CCDC187: variants seen among roughly 807,000 people sequenced by gnomAD.
CCDC187 encodes the protein coiled-coil domain-containing protein 187.
A neutral mutation model predicts 38.0 loss-of-function variants in CCDC187; 32 were observed. The observed-to-expected ratio is 0.84, with a 90% CI of 0.64 to 1.13. CCDC187 has a LOEUF of 1.13. Ranked by LOEUF, CCDC187 falls within the 50% of genes most tolerant of loss-of-function variation. The pLI is 0.00. For synonymous variants in CCDC187, 333 were observed against 347.9 expected, an observed-to-expected ratio of 0.96 and a Z score of 0.48; for missense variants, 707 against 786.8, an observed-to-expected ratio of 0.90 and a Z score of 1.21.
Position 136,289,981 on chromosome 9 carries a change from C to T in CCDC187, c.2200G>A (p.Gly734Arg). Residue 734 changes from glycine to arginine, a missense_variant, in exon 7 of 26, where the codon GGG becomes AGG. Transcript: ENST00000638797. The stretch of plus-strand genomic sequence containing the variant: ...CACCTGCCTGGGGCTTCCTGGCCCC[C>T]CAGCACCATGCCAGAGGTCACTTTG... ...WSKVTSGMVL[G>R]GQEAPGSFCL... is the part of the protein sequence containing the mutation. The T allele has an allele frequency of 2.5e-6, 1 of 398,838 alleles. No individual in the cohort carries two copies. The highest frequency in any genetic ancestry group is 4.4e-6 in the Non-Finnish European group (1 of 226,246). The allele number at this position is 398,838 out of a possible 1,614,324, so 24.7% of individuals were successfully genotyped here.
chr9:136,293,793 CACTT>C (rs1831447627), intron 4 of CCDC187, among the ~76,000 whole-genome samples: 1 of 152,144 alleles, frequency 6.6e-6, no homozygotes, highest in African/African-American at 2.4e-5. Flanking sequence ...CATCCTCACA[CACTT>C]TCACACAGAC....
upstream of CCDC187, chr9:136,306,722 G>C (rs1489272278): frequency 2.0e-5 from 3 of 152,754 alleles, no homozygotes; most frequent in Non-Finnish European, 4.4e-5. Context: ...GCAGCCACCT[G>C]GGGTCCCAGC....
chr9:136,287,824 G>C (rs890615054), intron 7 of CCDC187, among the ~76,000 whole-genome samples: 1 of 152,196 alleles, frequency 6.6e-6, no homozygotes, highest in Non-Finnish European at 1.5e-5. Flanking sequence ...TGGAGAGTTA[G>C]TGTTTCATGG....
chr9:136,255,942 G>C (rs1830606197), intron 24 of CCDC187, among the ~76,000 whole-genome samples: 1 of 152,206 alleles, frequency 6.6e-6, no homozygotes, highest in Non-Finnish European at 1.5e-5. Context: ...AATCCCACTG[G>C]ATCAGGTGGC....
At chr9:136,267,677 C>T in intron 15 of CCDC187, 166 bp from the exon 16 acceptor site, 1 of 945,090 alleles carries the variant, frequency 1.1e-6, no homozygotes, top group Non-Finnish European at 1.3e-6. Flanking sequence ...CCTCCCATCC[C>T]CCTATGCCGC....
chr9:136,258,772 G>A lies in CCDC187; in HGVS notation c.4366+160C>T, dbSNP rs1289668754. 1 of 985,332 alleles carries A rather than the reference G, an allele frequency of 1.0e-6. No individual in the cohort carries two copies. The highest frequency in any genetic ancestry group is 1.1e-4 in the East Asian group (1 of 8,818). The allele number at this position is 985,332 out of a possible 1,614,324, so 61.0% of individuals were successfully genotyped here. A position where few individuals can be genotyped will look rare whatever the true frequency, so the allele number is the denominator to read the frequency against. Reference sequence around the variant, plus strand: ...GATGGAGCCGGCCACTCTTCTTGCAGTGAAGGGGTCTGAGGCCAGGGTGGG... The same window carrying A: ...GATGGAGCCGGCCACTCTTCTTGCAATGAAGGGGTCTGAGGCCAGGGTGGG... On this transcript the variant is annotated intron_variant, in intron 22 of 25. Coordinates refer to ENST00000638797, the MANE Select transcript of CCDC187 (RefSeq NM_001378188.1). This position sits in a 1 kb window ranked among gnomAD's most constrained non-coding sequence, Gnocchi z 4.3.
At chr9:136,270,865 G>C (rs1330887925) in intron 14 of CCDC187, among the ~76,000 whole-genome samples, 1 of 152,198 alleles carries the variant, frequency 6.6e-6, no homozygotes, top group Non-Finnish European at 1.5e-5. Context: ...CTTCAGACCT[G>C]ATGCTATACC....
intron 15 of CCDC187, 69 bp downstream of exon 15, chr9:136,267,980 G>C (rs781892518): frequency 2.0e-6 from 2 of 985,090 alleles, no homozygotes; most frequent in Non-Finnish European, 2.4e-6. Context: ...AGTTGGGTCC[G>C]GGGCCCACTA....
chr9:136,287,162 C>T (rs894899306), intron 7 of CCDC187, among the ~76,000 whole-genome samples: 3 of 152,276 alleles, frequency 2.0e-5, no homozygotes, highest in East Asian at 1.9e-4. Flanking sequence ...ACCGACACGG[C>T]GGAATAGTAT....
chr9:136,257,217 A>G lies in CCDC187; in HGVS notation c.4367-376T>C, dbSNP rs944929932. Among the ~76,000 whole-genome samples the G allele has an allele frequency of 1.2e-4, 19 of 152,182 alleles. No individual in the cohort carries two copies. Among genetic ancestry groups the G allele is most frequent in the Non-Finnish European group, 2.5e-4 (17 of 68,028 alleles). On this transcript the variant is annotated intron_variant, in intron 22 of 25. Transcript: ENST00000638797. This position sits in a 1 kb window ranked among gnomAD's most constrained non-coding sequence, Gnocchi z 4.5. ...GTGAAACCCCGTCTCTACTAAAAATACAAAAATTAGGCGGGCATGGTGGCG... is the reference window on the plus strand; with the variant it reads ...GTGAAACCCCGTCTCTACTAAAAATGCAAAAATTAGGCGGGCATGGTGGCG...
intron 19 of CCDC187, among the ~76,000 whole-genome samples, chr9:136,261,099 C>A (rs890488733): frequency 6.6e-6 from 1 of 152,052 alleles, no homozygotes; most frequent in Admixed American, 6.5e-5. Context: ...CGGCACGCGG[C>A]GTCTCAGGCC....
rs143844709 is a variant in CCDC187, at chr9:136,259,300, T to TG, written c.4296+62dup. On this transcript the variant is annotated intron_variant, in intron 21 of 25. Transcript: ENST00000638797. ...ATCAAGTCACAGATTGGCAGAATGT[T>TG]GGGGGGGGGTGGTCCCTGAAACAGG... 1,312 of 501,524 alleles carry TG rather than the reference T, an allele frequency of 2.6e-3. 20 individuals are homozygous for TG. In the African/African-American group the frequency reaches 0.037, roughly 14 times the overall value. 31.1% of individuals were successfully genotyped at this position (501,524 alleles called of 1,614,324 possible).
chr9:136,293,863 CAT>C (rs1296432792), intron 4 of CCDC187, among the ~76,000 whole-genome samples: 30 of 151,158 alleles, frequency 2.0e-4, no homozygotes, highest in African/African-American at 6.8e-4. Flanking sequence ...CATTCAGTCT[CAT>C]ATGCTCTCTG....
At chr9:136,259,134 G>A (rs1486972003) in intron 21 of CCDC187, 133 bp from the exon 22 acceptor site, 18 of 672,570 alleles carry the variant, frequency 2.7e-5, no homozygotes, top group Admixed American at 6.3e-5. Flanking sequence ...GGGCGGACAG[G>A]GACAGATGGG....
At chr9:136,288,886 G>A (rs931405730) in intron 7 of CCDC187, among the ~76,000 whole-genome samples, 1 of 152,254 alleles carries the variant, frequency 6.6e-6, no homozygotes, top group African/African-American at 2.4e-5. Context: ...CAGGGTGCAA[G>A]TTCCCGAGAA....
At chr9:136,266,935 A>T (rs1554761703) in intron 16 of CCDC187, 1 of 152,116 alleles carries the variant, frequency 6.6e-6, no homozygotes, top group South Asian at 2.1e-4. Flanking sequence ...ATACAAAATT[A>T]GCTGGGCGTG....
In CCDC187 at chr9:136,254,495, T is replaced by A. The variant is rs1554760013; in HGVS notation, c.5333A>T (p.Lys1778Met). The A allele has an allele frequency of 2.0e-6, 2 of 985,316 alleles. No individual in the cohort carries two copies. Among genetic ancestry groups the A allele is most frequent in the African/African-American group, 3.5e-5 (2 of 57,218 alleles). The allele number at this position is 985,316 out of a possible 1,614,324, so 61.0% of individuals were successfully genotyped here. ...EDLPEPCTGAKPASGSSLPAG... is the reference protein window; with the variant it reads ...EDLPEPCTGAMPASGSSLPAG... The stretch of plus-strand genomic sequence containing the variant: ...AGGCAGGGAGCTCCCCGAGGCTGGC[T>A]TGGCCCCGGTACAGGGTTCTGGCAG... Residue 1778 changes from lysine to methionine, a missense_variant, in exon 26 of 26, where the codon AAG becomes ATG. Transcript: ENST00000638797.
chr9:136,293,284 C>A (rs1374356285), intron 4 of CCDC187, among the ~76,000 whole-genome samples: 1 of 151,226 alleles, frequency 6.6e-6, no homozygotes, highest in South Asian at 2.1e-4. Context: ...CACTAACATG[C>A]TCACACACTC....
In CCDC187 at chr9:136,281,611, C is replaced by G; in HGVS notation, c.2980G>C (p.Glu994Gln). 2.5e-6 allele frequency: 1 copy of G among 398,696 alleles called. No individual in the cohort carries two copies. Among genetic ancestry groups the G allele is most frequent in the Non-Finnish European group, 4.4e-6 (1 of 226,116 alleles). 24.7% of individuals were successfully genotyped at this position (398,696 alleles called of 1,614,324 possible). ...GCCCCTCCGACCGACGGCGTCTCCT[C>G]CAGTCCCAGGGAGCCCCAGATAGGG... ...LHPIWGSLGL[E>Q]ETPSVGGADS... Residue 994 changes from glutamate (E) to glutamine (Q), a missense_variant, in exon 10 of 26, where the codon GAG becomes CAG. Glu to Gln is a conservative substitution (Grantham distance 29). Coordinates refer to ENST00000638797, the MANE Select transcript of CCDC187 (RefSeq NM_001378188.1).
Sources: gnomAD v4.1 joint callset for allele counts (sites outside exome capture counted in the v4.1 genomes callset) on GRCh38, gnomAD v4.1.1 for gene constraint, Gnocchi (gnomAD v3.1) non-coding constraint, MANE v1.5 for transcripts, NCBI Gene and HGNC (gene_info 2026-07-23, HGNC 2026-07-21) for gene names.